JMJD1C: variants seen among roughly 807,000 people sequenced by gnomAD.
The protein encoded by JMJD1C is jumonji domain-containing protein 1C.
JMJD1C carries 31 observed loss-of-function variants against 245.3 expected under a neutral mutation model. That is an observed-to-expected ratio of 0.13 (90% confidence interval 0.09 to 0.17). JMJD1C has a LOEUF of 0.17. Ranked by LOEUF, JMJD1C falls within the 10% of genes least tolerant of loss-of-function variation. The pLI is 1.00. For synonymous variants in JMJD1C, 1,057 were observed against 1,017.4 expected, an observed-to-expected ratio of 1.04 and a Z score of -0.74; for missense variants, 2,691 against 3,000.2, an observed-to-expected ratio of 0.90 and a Z score of 2.41.
intron 3 of JMJD1C, among the ~76,000 whole-genome samples, chr10:63,256,593 T>A (rs1429705034): frequency 6.6e-6 from 1 of 152,230 alleles, no homozygotes; most frequent in African/African-American, 2.4e-5. Flanking sequence ...CTGTCACTTT[T>A]GACTTGAAAT....
chr10:63,515,882 T>C (rs1012418449), intron 1 of JMJD1C, among the ~76,000 whole-genome samples: 1 of 152,210 alleles, frequency 6.6e-6, no homozygotes, highest in African/African-American at 2.4e-5. Flanking sequence ...TTACAAATTT[T>C]TTCCTAGTTT....
intron 1 of JMJD1C, among the ~76,000 whole-genome samples, chr10:63,399,958 A>G (rs1312074375): frequency 6.6e-6 from 1 of 152,192 alleles, no homozygotes; most frequent in Admixed American, 6.5e-5. Context: ...AAGTAGAAAC[A>G]TAGATATACA....
At chr10:63,440,363 T>TAG (rs1423855951) in intron 1 of JMJD1C, among the ~76,000 whole-genome samples, 21 of 134,582 alleles carry the variant, frequency 1.6e-4, no homozygotes, top group South Asian at 4.5e-4. Context: ...AATATATATA[T>TAG]ATAGAGAGAG....
intron 2 of JMJD1C, among the ~76,000 whole-genome samples, chr10:63,293,392 C>G (rs1189136254): frequency 6.6e-6 from 1 of 152,180 alleles, no homozygotes; most frequent in East Asian, 1.9e-4. Context: ...CACTACCTTC[C>G]TAGCCATATT....
chr10:63,184,789 G>T (rs773108531), intron 20 of JMJD1C, 51 bp from the exon 21 acceptor site: 10 of 1,513,490 alleles, frequency 6.6e-6, no homozygotes, highest in Non-Finnish European at 9.0e-6. Context: ...GCATTGCTAA[G>T]TATTTTCACA....
chr10:63,284,065 ACT>A (rs1176824405), intron 2 of JMJD1C, among the ~76,000 whole-genome samples: 8 of 151,042 alleles, frequency 5.3e-5, no homozygotes, highest in Non-Finnish European at 1.0e-4. Flanking sequence ...TCGCTCTGTC[ACT>A]CAGGTTGGAG....
At chr10:63,397,948 A>C (rs67453614) in intron 1 of JMJD1C, among the ~76,000 whole-genome samples, 30,710 of 152,244 alleles carry the variant, frequency 0.2, 4,074 homozygotes, top group Non-Finnish European at 0.29. Flanking sequence ...TTGGAATATC[A>C]AAATGCTATT....
intron 3 of JMJD1C, among the ~76,000 whole-genome samples, chr10:63,238,189 A>AAAAAAATAG (rs986291984): frequency 7.4e-6 from 1 of 135,710 alleles, no homozygotes; most frequent in Non-Finnish European, 1.6e-5. Context: ...TCAAAAAAAA[A>AAAAAAATAG]AAAAAAGAAA....
In JMJD1C at chr10:63,191,128, AG is replaced by A; in HGVS notation, c.6077-21del. On this transcript the variant is annotated intron_variant, in intron 16 of 25. Transcript: ENST00000399262. Reference sequence around the variant, plus strand: ...TGTTTTCTGAAATAGAAAATTTCACAGATTTTGTTTTGTTTTGTTTTGAGAC... The same window carrying A: ...TGTTTTCTGAAATAGAAAATTTCACAATTTTGTTTTGTTTTGTTTTGAGAC... 1 of 1,591,370 alleles carries A rather than the reference AG, an allele frequency of 6.3e-7. No homozygotes were observed. Among genetic ancestry groups the A allele is most frequent in the Non-Finnish European group, 8.6e-7 (1 of 1,160,004 alleles).
intron 2 of JMJD1C, among the ~76,000 whole-genome samples, chr10:63,319,255 TAA>T (rs59018554): frequency 0.076 from 6,551 of 85,680 alleles, 431 homozygotes; most frequent in African/African-American, 0.22. Flanking sequence ...AGACTCCATC[TAA>T]AAAAAAAAAA....
intron 1 of JMJD1C, among the ~76,000 whole-genome samples, chr10:63,419,490 G>C (rs1429938440): frequency 2.0e-5 from 3 of 152,128 alleles, no homozygotes; most frequent in East Asian, 3.9e-4. Context: ...CTGAAAAGGT[G>C]AGAAACCCAG....
intron 4 of JMJD1C, among the ~76,000 whole-genome samples, chr10:63,219,616 T>C (rs1848382106): frequency 6.6e-6 from 1 of 152,186 alleles, no homozygotes; most frequent in Non-Finnish European, 1.5e-5. Context: ...AATTCCATAA[T>C]ATGCAGTTTT....
At chr10:63,298,000 C>T (rs938026469) in intron 2 of JMJD1C, among the ~76,000 whole-genome samples, 5 of 152,000 alleles carry the variant, frequency 3.3e-5, no homozygotes, top group Non-Finnish European at 7.4e-5. Context: ...TCCCTCCATC[C>T]ACACGCGGGT....
chr10:63,281,457 CCTTTTT>C (rs1461728860), intron 2 of JMJD1C, among the ~76,000 whole-genome samples: 2 of 107,768 alleles, frequency 1.9e-5, no homozygotes, highest in African/African-American at 3.6e-5. Flanking sequence ...CTGCGCCTGG[CCTTTTT>C]TTTTTTTTTT....
chr10:63,379,440 T>C (rs1947036771), intron 2 of JMJD1C, among the ~76,000 whole-genome samples: 1 of 152,192 alleles, frequency 6.6e-6, no homozygotes, highest in Non-Finnish European at 1.5e-5. Flanking sequence ...ACTTCCTGTT[T>C]CTTTTCTTAA....
At chr10:63,475,366 T>C (rs1048457139) in intron 1 of JMJD1C, among the ~76,000 whole-genome samples, 1 of 152,208 alleles carries the variant, frequency 6.6e-6, no homozygotes, top group African/African-American at 2.4e-5. Flanking sequence ...AAAACTATGT[T>C]TTACTTAGTA....
At chr10:63,507,967 T>A (rs1177560075) in intron 1 of JMJD1C, among the ~76,000 whole-genome samples, 1 of 152,224 alleles carries the variant, frequency 6.6e-6, no homozygotes, top group African/African-American at 2.4e-5. Flanking sequence ...ATATTTTAAG[T>A]AGTCGTCGTT....
rs1313182815 is a variant in JMJD1C at position 63,229,124 on chromosome 10, G to GGT, written c.448-9143_448-9142dup. On this transcript the variant is annotated intron_variant, in intron 3 of 25. Coordinates refer to ENST00000399262, the MANE Select transcript of JMJD1C (RefSeq NM_032776.3). The stretch of plus-strand genomic sequence containing the variant: ...ATTAATCTCTTAAGCTCTCTATGTA[G>GGT]GTGTGTGTGTGTCTGAGTACATATA... 8.6e-5 allele frequency among the ~76,000 whole-genome samples: 13 copies of GGT among 151,826 alleles called. No individual in the cohort carries two copies. The East Asian group carries it at 2.5e-3, about 29-fold the overall frequency.
intron 1 of JMJD1C, among the ~76,000 whole-genome samples, chr10:63,457,800 GCATT>G (rs2133066351): frequency 6.6e-6 from 1 of 152,272 alleles, no homozygotes; most frequent in African/African-American, 2.4e-5. Context: ...TCAGAAATCT[GCATT>G]CAAATTCCTG....
Sources: gnomAD v4.1 joint callset for allele counts (sites outside exome capture counted in the v4.1 genomes callset) on GRCh38, gnomAD v4.1.1 for gene constraint, MANE v1.5 for transcripts, NCBI Gene and HGNC (gene_info 2026-07-23, HGNC 2026-07-21) for gene names.